The following USB1 variants were observed in gnomAD, a reference collection of about 807,000 sequenced individuals.
The protein encoded by USB1 is U6 snRNA biogenesis phosphodiesterase 1.
Under a neutral mutation model 29.9 loss-of-function variants are expected in USB1, and 21 were observed. The observed-to-expected ratio is 0.70, with a 90% CI of 0.50 to 1.01. The LOEUF (loss-of-function observed/expected upper bound fraction) is 1.01, where lower values mean the gene tolerates loss of function less well. USB1 is among the 50% of genes least tolerant of loss of function. The pLI is 0.00. For missense variants in USB1, 330 were observed against 347.1 expected (o/e 0.95, Z 0.39); for synonymous variants, 143 against 134.9 (o/e 1.06, Z -0.42).
chr16:58,010,341 T>C (rs565822955), intron 3 of USB1, among the ~76,000 whole-genome samples: 3 of 152,334 alleles, frequency 2.0e-5, no homozygotes, highest in South Asian at 4.1e-4. Flanking sequence ...GCCAGCTGTT[T>C]TTCTGTAAGC....
At chr16:58,001,729 A>G (rs1158876852) in intron 1 of USB1, 148 bp downstream of exon 1, 1 of 996,166 alleles carries the variant, frequency 1.0e-6, no homozygotes. Flanking sequence ...AGGATCCAGA[A>G]GATATACCCC....
Position 58,001,429 on chromosome 16 carries a change from G to A in USB1, c.-55G>A, listed in dbSNP as rs1048438942. 2 of 1,551,614 alleles carry A rather than the reference G, an allele frequency of 1.3e-6. No homozygotes were observed. The highest frequency in any genetic ancestry group is 2.4e-5 in the East Asian group (1 of 41,292). On this transcript the variant is annotated 5_prime_UTR_variant, in exon 1 of 7. Coordinates refer to ENST00000219281, the MANE Select transcript of USB1 (RefSeq NM_024598.4). ...GGCGCTTCCGGCACAGCGGAACTCC[G>A]GGTGCCGGTTGAGGTTGCTGGTGGA... is the stretch of plus-strand genomic sequence containing the variant.
At chr16:58,014,213 G>T in intron 3 of USB1, 60 bp from the exon 4 acceptor site, 1 of 1,352,788 alleles carries the variant, frequency 7.4e-7, no homozygotes, top group Non-Finnish European at 1.1e-6. Context: ...TTTAACATAA[G>T]CTATTTTTTC....
chr16:58,009,348 G>C (rs974284232), intron 2 of USB1, among the ~76,000 whole-genome samples: 6 of 152,176 alleles, frequency 3.9e-5, no homozygotes, highest in African/African-American at 1.4e-4. Context: ...ACTTCCCCTA[G>C]GTCAGTTAAG....
At position 58,009,657 on chromosome 16, in the gene USB1, G is replaced by A. The variant is rs1047334775; in HGVS notation, c.266-272G>A. ...GGAGAATGGCATGAACCCGGGAAACGGAGCTTGCAGTGAGCCGAGATTGCA... is the reference window on the plus strand; with the variant it reads ...GGAGAATGGCATGAACCCGGGAAACAGAGCTTGCAGTGAGCCGAGATTGCA... On this transcript the variant is annotated intron_variant, in intron 2 of 6. Coordinates refer to ENST00000219281, the MANE Select transcript of USB1 (RefSeq NM_024598.4). Among the ~76,000 whole-genome samples, 33 of 151,418 alleles carry A rather than the reference G, an allele frequency of 2.2e-4. 1 individual carries two copies. The highest frequency in any genetic ancestry group is 7.5e-4 in the African/African-American group (31 of 41,218).
At chr16:58,001,727 G>A (rs1364547314) in intron 1 of USB1, 146 bp downstream of exon 1, 2 of 1,010,400 alleles carry the variant, frequency 2.0e-6, no homozygotes, top group Admixed American at 2.0e-5. Context: ...GGAGGATCCA[G>A]AAGATATACC....
intron 6 of USB1, among the ~76,000 whole-genome samples, chr16:58,019,804 C>T (rs1482687416): frequency 2.0e-5 from 3 of 152,074 alleles, no homozygotes; most frequent in African/African-American, 7.2e-5. Context: ...AGCTGTGGTC[C>T]CTCGTTAAGG....
chr16:58,016,639 T>G (rs1963622675), intron 4 of USB1: 1 of 157,078 alleles, frequency 6.4e-6, no homozygotes, highest in Admixed American at 6.0e-5. Flanking sequence ...AGGTGATGTC[T>G]TGGGAGCCAA....
chr16:58,009,183 G>C (rs989146817), intron 2 of USB1, among the ~76,000 whole-genome samples: 6 of 152,210 alleles, frequency 3.9e-5, no homozygotes, highest in Non-Finnish European at 7.3e-5. Flanking sequence ...GTGGTGAGGT[G>C]GTGGGGGACA....
chr16:58,020,443 CTCTCT>C lies in USB1; in HGVS notation c.*203_*207del. The C allele has an allele frequency of 6.5e-6, 4 of 619,416 alleles. No individual in the cohort carries two copies. In the East Asian group the frequency reaches 1.1e-4, roughly 17 times the overall value. The allele number at this position is 619,416 out of a possible 1,614,324, so 38.4% of individuals were successfully genotyped here. A position where few individuals can be genotyped will look rare whatever the true frequency, so the allele number is the denominator to read the frequency against. ...CTCTCTTTCTCTTCCTCTTCTTTCTCTCTCTTCTCCTCTCTTTCTCTCCTCTGTCT... is the reference window on the plus strand; with the variant it reads ...CTCTCTTTCTCTTCCTCTTCTTTCTCTCTCCTCTCTTTCTCTCCTCTGTCT... On this transcript the variant is annotated 3_prime_UTR_variant, in exon 7 of 7. Transcript: ENST00000219281.
chr16:58,010,859 C>G (rs748499210), intron 3 of USB1: 41 of 613,698 alleles, frequency 6.7e-5, no homozygotes, highest in Non-Finnish European at 1.1e-4. Context: ...CCAAGGGAAG[C>G]TCCTCAAACC....
intron 3 of USB1, chr16:58,011,796 C>T: frequency 1.0e-6 from 1 of 988,080 alleles, no homozygotes; most frequent in Non-Finnish European, 1.2e-6. Flanking sequence ...AGGACTGTGG[C>T]TTCTCTCTGA....
At chr16:58,018,901 A>G in intron 5 of USB1, 71 bp from the exon 6 acceptor site, 2 of 1,491,462 alleles carry the variant, frequency 1.3e-6, no homozygotes, top group Non-Finnish European at 1.9e-6. Context: ...CAGCTCTGTC[A>G]CAGACCTGCT....
Position 58,017,343 on chromosome 16 carries a change from T to C in USB1, c.513T>C (p.Ile171=), listed in dbSNP as rs1360245988. ...GTCTTCCTCTCCCCAGGACCTTTATTGGGCTTGAGGTCACTTCAGGGCATG... is the reference window on the plus strand; with the variant it reads ...GTCTTCCTCTCCCCAGGACCTTTATCGGGCTTGAGGTCACTTCAGGGCATG... ...YTNQEKTRTF[I]GLEVTSGHAQ... The change falls in exon 5 of 7, where the codon ATT becomes ATC. Residue 171 remains isoleucine (I), a synonymous_variant. Transcript: ENST00000219281. 1.9e-6 allele frequency: 3 copies of C among 1,614,174 alleles called. No individual in the cohort carries two copies. The East Asian group carries it at 6.7e-5, about 36-fold the overall frequency.
chr16:58,012,486 T>C (rs1389695799), intron 3 of USB1: 2 of 1,178,470 alleles, frequency 1.7e-6, no homozygotes, highest in East Asian at 5.1e-5. Context: ...ACAGGCAGAC[T>C]GTTCACCATC....
Position 58,009,535 on chromosome 16 carries a change from C to T in USB1, c.266-394C>T, listed in dbSNP as rs963685737. Among the ~76,000 whole-genome samples the T allele has an allele frequency of 9.2e-5, 14 of 151,642 alleles. No homozygotes were observed. The East Asian group carries it at 1.9e-3, about 21-fold the overall frequency. On this transcript the variant is annotated intron_variant, in intron 2 of 6. Coordinates refer to ENST00000219281, the MANE Select transcript of USB1 (RefSeq NM_024598.4). ...GAGATCGAGACCATCCTGGCTAACA[C>T]GGTGAAACCCCGTCTCTACTAAAAA...
rs542789994 is a variant in USB1, at chr16:58,004,973, A to G, written c.265+2328A>G. ...GGGTAAGGAGTGTGAGCCATCTCCA[A>G]TGATTGACAAGGTTACGTGAGTCAC... On this transcript the variant is annotated intron_variant, in intron 2 of 6. Coordinates refer to ENST00000219281, the MANE Select transcript of USB1 (RefSeq NM_024598.4). Among the ~76,000 whole-genome samples the G allele has an allele frequency of 5.3e-5, 8 of 152,300 alleles. No homozygotes were observed. In the East Asian group the frequency reaches 5.8e-4, roughly 11 times the overall value.
In USB1 at chr16:58,013,229, G is replaced by C; in HGVS notation, c.450-1044G>C. 1 of 985,464 alleles carries C rather than the reference G, an allele frequency of 1.0e-6. No individual in the cohort carries two copies. Among genetic ancestry groups the C allele is most frequent in the Non-Finnish European group, 1.2e-6 (1 of 829,966 alleles). The allele number at this position is 985,464 out of a possible 1,614,324, so 61.0% of individuals were successfully genotyped here. A position where few individuals can be genotyped will look rare whatever the true frequency, so the allele number is the denominator to read the frequency against. On this transcript the variant is annotated intron_variant, in intron 3 of 6. Coordinates refer to ENST00000219281, the MANE Select transcript of USB1 (RefSeq NM_024598.4). This position sits in a 1 kb window ranked among gnomAD's most constrained non-coding sequence, Gnocchi z 4.3. The stretch of plus-strand genomic sequence containing the variant: ...CAACACGAGGTTACCAGGAGAAGGA[G>C]TTTTGGTTGGGCACAGACATCCAGT...
Position 58,020,270 on chromosome 16 carries a change from G to A in USB1, c.*25G>A. The A allele has an allele frequency of 6.2e-6, 10 of 1,609,590 alleles. No homozygotes were observed. Among genetic ancestry groups the A allele is most frequent in the Non-Finnish European group, 8.5e-6 (10 of 1,176,042 alleles). On this transcript the variant is annotated 3_prime_UTR_variant, in exon 7 of 7. Coordinates refer to ENST00000219281, the MANE Select transcript of USB1 (RefSeq NM_024598.4). Reference sequence around the variant, plus strand: ...AGCACCAGAGGCCTTCCTCCTCCAGGGCCCTCTGCAGACCAGGCTGAGATG... The same window carrying A: ...AGCACCAGAGGCCTTCCTCCTCCAGAGCCCTCTGCAGACCAGGCTGAGATG...
Sources: allele counts gnomAD v4.1 joint callset (sites outside exome capture counted in the v4.1 genomes callset), GRCh38; gene constraint gnomAD v4.1.1; non-coding constraint Gnocchi (gnomAD v3.1); transcripts MANE v1.5; gene names NCBI Gene and HGNC (gene_info 2026-07-23, HGNC 2026-07-21).